The following SYT17 variants were observed in gnomAD, a reference collection of about 807,000 sequenced individuals.
SYT17 encodes the protein synaptotagmin 17.
In SYT17, 22 loss-of-function variants were observed where a neutral mutation model predicts 46.7. The ratio of observed to expected loss-of-function variants is 0.47; its 90% confidence interval spans 0.34 to 0.67. SYT17 has a LOEUF of 0.67. Among genes scored for constraint, SYT17 ranks in the 30% least tolerant of loss-of-function variants. The pLI is 0.01. For missense variants in SYT17, 519 were observed against 612.8 expected (o/e 0.85, Z 1.62); for synonymous variants, 251 against 248.4 (o/e 1.01, Z -0.10).
Position 19,232,946 on chromosome 16 carries a change from T to TA in SYT17, c.1228+8115dup, listed in dbSNP as rs570920907. Among the ~76,000 whole-genome samples, 43 of 152,262 alleles carry TA rather than the reference T, an allele frequency of 2.8e-4. No individual in the cohort carries two copies. In the South Asian group the frequency reaches 8.5e-3, roughly 30 times the overall value. On this transcript the variant is annotated intron_variant, in intron 7 of 7. Coordinates refer to ENST00000355377, the MANE Select transcript of SYT17 (RefSeq NM_016524.4). ...GTACGTTAGTATTACTCAGGGACTT[T>TA]AAAAAAACTCTGATGCCCCGTTCCC...
At chr16:19,198,642 T>C (rs776806176) in intron 5 of SYT17, among the ~76,000 whole-genome samples, 4 of 152,218 alleles carry the variant, frequency 2.6e-5, no homozygotes, top group Non-Finnish European at 5.9e-5. Flanking sequence ...CTGTGTTCCA[T>C]TGAACATGAG....
chr16:19,184,194 A>G lies in SYT17; in HGVS notation c.951+47A>G, dbSNP rs778582848. On this transcript the variant is annotated intron_variant, in intron 5 of 7. Coordinates refer to ENST00000355377, the MANE Select transcript of SYT17 (RefSeq NM_016524.4). The stretch of plus-strand genomic sequence containing the variant: ...TTTCCTCCTGGGAGCTTTTTTAAAA[A>G]GTGATTATTTTTATTTTATTTTACT... 6.5e-6 allele frequency: 10 copies of G among 1,540,014 alleles called. No individual in the cohort carries two copies. The East Asian group carries it at 2.3e-4, about 35-fold the overall frequency.
intron 5 of SYT17, among the ~76,000 whole-genome samples, chr16:19,190,880 C>T (rs531080577): frequency 1.3e-5 from 2 of 151,822 alleles, no homozygotes; most frequent in Admixed American, 6.6e-5. Context: ...AACGGTGCCT[C>T]CACCGTTTGG....
chr16:19,180,011 G>A (rs1348925247), intron 3 of SYT17, among the ~76,000 whole-genome samples: 1 of 152,134 alleles, frequency 6.6e-6, no homozygotes, highest in African/African-American at 2.4e-5. Context: ...CAGAAGTTCG[G>A]ATGCCTATAA....
intron 7 of SYT17, among the ~76,000 whole-genome samples, chr16:19,236,653 G>A (rs541323600): frequency 2.0e-5 from 3 of 152,208 alleles, no homozygotes; most frequent in African/African-American, 7.2e-5. Context: ...TCAGCCAAGG[G>A]AGGAGACGCA....
At chr16:19,252,770 A>G (rs574205926) in intron 7 of SYT17, among the ~76,000 whole-genome samples, 16 of 151,612 alleles carry the variant, frequency 1.1e-4, no homozygotes, top group Middle Eastern at 3.4e-3. Flanking sequence ...GGAAAACTTT[A>G]AAAAGCTGGG....
intron 5 of SYT17, among the ~76,000 whole-genome samples, chr16:19,195,695 G>A (rs142369225): frequency 5.4e-4 from 82 of 152,240 alleles, no homozygotes; most frequent in Non-Finnish European, 1.0e-3. Flanking sequence ...ACTCCAGCCA[G>A]GGTGAAGGAG....
chr16:19,175,627 C>A (rs979000772), intron 3 of SYT17, among the ~76,000 whole-genome samples: 8 of 133,054 alleles, frequency 6.0e-5, no homozygotes, highest in Non-Finnish European at 1.2e-4. Flanking sequence ...GTCCAGCTTG[C>A]GCAACAGAGC....
chr16:19,225,233 G>C (rs1966459867), intron 7 of SYT17, among the ~76,000 whole-genome samples: 1 of 152,180 alleles, frequency 6.6e-6, no homozygotes, highest in Non-Finnish European at 1.5e-5. Context: ...CTATGTGTTA[G>C]TTTTGATGAT....
chr16:19,266,549 G>A (rs1276479449), intron 7 of SYT17, among the ~76,000 whole-genome samples: 3 of 152,318 alleles, frequency 2.0e-5, no homozygotes, highest in South Asian at 2.1e-4. Context: ...TGGTGATGCC[G>A]TGGGACATAC....
intron 7 of SYT17, among the ~76,000 whole-genome samples, chr16:19,253,218 G>T (rs1187063833): frequency 6.6e-6 from 1 of 152,114 alleles, no homozygotes; most frequent in Non-Finnish European, 1.5e-5. Context: ...GAGGCCATAG[G>T]TGGCCCTCAA....
intron 7 of SYT17, among the ~76,000 whole-genome samples, chr16:19,244,628 C>G (rs1444439878): frequency 6.6e-6 from 1 of 152,172 alleles, no homozygotes; most frequent in Non-Finnish European, 1.5e-5. Flanking sequence ...AGCCACCGAG[C>G]CTGGACCAGA....
rs1170914534 is a variant in SYT17 at position 19,262,846 on chromosome 16, C to A, written c.1229-4034C>A. On this transcript the variant is annotated intron_variant, in intron 7 of 7. Coordinates refer to ENST00000355377, the MANE Select transcript of SYT17 (RefSeq NM_016524.4). ...CTGGCATGGCTCAGGCAGGAAGCTG[C>A]AGGTGCTTGAGGAAGGACACTATCT... Among the ~76,000 whole-genome samples, 5 of 152,166 alleles carry A rather than the reference C, an allele frequency of 3.3e-5. No homozygotes were observed. The East Asian group carries it at 9.7e-4, about 29-fold the overall frequency.
Position 19,168,440 on chromosome 16 carries a change from C to G in SYT17, c.-207C>G, listed in dbSNP as rs953631532. 9.2e-6 allele frequency: 6 copies of G among 653,958 alleles called. No individual in the cohort carries two copies. Among genetic ancestry groups the G allele is most frequent in the African/African-American group, 7.8e-5 (4 of 51,250 alleles). The allele number at this position is 653,958 out of a possible 1,614,324, so 40.5% of individuals were successfully genotyped here. ...CCGAACCGGGGAGGCGGCCCCGATTCCGAGAGCCGGAACGCAGGGAAAGGC... is the reference window on the plus strand; with the variant it reads ...CCGAACCGGGGAGGCGGCCCCGATTGCGAGAGCCGGAACGCAGGGAAAGGC... On this transcript the variant is annotated 5_prime_UTR_variant, in exon 1 of 8. Coordinates refer to ENST00000355377, the MANE Select transcript of SYT17 (RefSeq NM_016524.4). This position sits in a 1 kb window ranked among gnomAD's most constrained non-coding sequence, Gnocchi z 6.9.
chr16:19,203,653 C>T (rs527436236), intron 5 of SYT17, among the ~76,000 whole-genome samples: 60 of 152,340 alleles, frequency 3.9e-4, no homozygotes, highest in African/African-American at 1.3e-3. Flanking sequence ...AGTTAGAAAC[C>T]AGAATCCTGA....
In SYT17 at chr16:19,221,282, G is replaced by A. The variant is rs371897613; in HGVS notation, c.952-1763G>A. Among the ~76,000 whole-genome samples the A allele has an allele frequency of 3.0e-4, 45 of 152,010 alleles. No individual in the cohort carries two copies. In the South Asian group the frequency reaches 8.5e-3, roughly 29 times the overall value. ...TTGCAGAAACTGGATTTTACAAGGT[G>A]GTGCACTGATGGGCCTAGGAGGTTT... On this transcript the variant is annotated intron_variant, in intron 5 of 7. Coordinates refer to ENST00000355377, the MANE Select transcript of SYT17 (RefSeq NM_016524.4).
chr16:19,236,201 C>T (rs1966845548), intron 7 of SYT17, among the ~76,000 whole-genome samples: 3 of 152,186 alleles, frequency 2.0e-5, no homozygotes, highest in African/African-American at 4.8e-5. Flanking sequence ...GAGCTGGCTT[C>T]TGTGTGACTG....
intron 7 of SYT17, among the ~76,000 whole-genome samples, chr16:19,236,982 A>G (rs1966857391): frequency 6.6e-6 from 1 of 152,242 alleles, no homozygotes; most frequent in Non-Finnish European, 1.5e-5. Flanking sequence ...TAGGCTAGCC[A>G]AGAGTCAAAG....
At chr16:19,250,301 C>A (rs1350796116) in intron 7 of SYT17, among the ~76,000 whole-genome samples, 1 of 151,100 alleles carries the variant, frequency 6.6e-6, no homozygotes, top group Non-Finnish European at 1.5e-5. Context: ...TGATGTTAAT[C>A]CCATTTCAAT....
Sources: allele counts gnomAD v4.1 joint callset (sites outside exome capture counted in the v4.1 genomes callset), GRCh38; gene constraint gnomAD v4.1.1; non-coding constraint Gnocchi (gnomAD v3.1); transcripts MANE v1.5; gene names NCBI Gene and HGNC (gene_info 2026-07-23, HGNC 2026-07-21).